The following MIR2052HG variants were observed in gnomAD, a reference collection of about 807,000 sequenced individuals.
MIR2052HG encodes the protein MIR2052 host gene.
chr8:74,697,254 A>G (rs927721643), intron 2 of MIR2052HG, among the ~76,000 whole-genome samples: 23 of 152,188 alleles, frequency 1.5e-4, no homozygotes, highest in Non-Finnish European at 2.8e-4. Flanking sequence ...AGACTCAGAA[A>G]AAGCATTTGA....
At chr8:74,754,405 G>A (rs1298267919) in intron 5 of MIR2052HG, among the ~76,000 whole-genome samples, 1 of 152,190 alleles carries the variant, frequency 6.6e-6, no homozygotes, top group Non-Finnish European at 1.5e-5. Flanking sequence ...GGCACATTTG[G>A]TGGCCAGCTA....
chr8:74,699,181 G>A (rs184181722), intron 2 of MIR2052HG, among the ~76,000 whole-genome samples: 2 of 152,104 alleles, frequency 1.3e-5, no homozygotes, highest in Non-Finnish European at 2.9e-5. Context: ...TAGTATAGCC[G>A]CTATGGAAAA....
chr8:74,754,416 G>T (rs1021705006), intron 5 of MIR2052HG, among the ~76,000 whole-genome samples: 1 of 152,172 alleles, frequency 6.6e-6, no homozygotes, highest in Non-Finnish European at 1.5e-5. Context: ...TGGCCAGCTA[G>T]TGTTTAATTG....
chr8:74,653,100 C>T (rs559624538), intron 2 of MIR2052HG, among the ~76,000 whole-genome samples: 11 of 152,214 alleles, frequency 7.2e-5, no homozygotes, highest in African/African-American at 2.6e-4. Context: ...TTTTCACAAA[C>T]ACAAATGCTG....
chr8:74,719,195 T>A (rs990381582), intron 4 of MIR2052HG, among the ~76,000 whole-genome samples: 2 of 152,176 alleles, frequency 1.3e-5, no homozygotes, highest in Non-Finnish European at 2.9e-5. Context: ...CCATCCTATC[T>A]GCTATGTTCA....
chr8:74,742,974 A>G (rs1476563190), intron 4 of MIR2052HG, among the ~76,000 whole-genome samples: 1 of 152,142 alleles, frequency 6.6e-6, no homozygotes, highest in African/African-American at 2.4e-5. Flanking sequence ...GAGACATGGT[A>G]CAAAAGGCTG....
At chr8:74,604,045 G>A in intron 1 of MIR2052HG, 1 of 964,110 alleles carries the variant, frequency 1.0e-6, no homozygotes, top group Non-Finnish European at 1.7e-6. Context: ...TTTGAAGACG[G>A]CATTAGCAGG....
chr8:74,746,632 T>C (rs1233728590), intron 4 of MIR2052HG, among the ~76,000 whole-genome samples: 1 of 137,504 alleles, frequency 7.3e-6, no homozygotes, highest in Non-Finnish European at 1.6e-5. Flanking sequence ...GAGAGAATAT[T>C]TACATTTGGC....
Position 74,728,501 on chromosome 8 carries a change from A to G in MIR2052HG, n.372-23940A>G, listed in dbSNP as rs115427954. On this transcript the variant is annotated intron_variant and non_coding_transcript_variant, in intron 4 of 6. Coordinates refer to ENST00000523442, the Ensembl canonical transcript of MIR2052HG. Reference sequence around the variant, plus strand: ...TTCTGTGCTGAACAATTGATATACAATGGTGCACGATCTTCCTTGTCTTCA... The same window carrying G: ...TTCTGTGCTGAACAATTGATATACAGTGGTGCACGATCTTCCTTGTCTTCA... Among the ~76,000 whole-genome samples the G allele has an allele frequency of 9.1e-3, 1,383 of 152,272 alleles. 26 individuals are homozygous for G. The highest frequency in any genetic ancestry group is 0.031 in the African/African-American group (1,277 of 41,556).
intron 1 of MIR2052HG, among the ~76,000 whole-genome samples, chr8:74,602,919 T>G (rs1808043863): frequency 6.9e-6 from 1 of 145,094 alleles, no homozygotes; most frequent in African/African-American, 2.7e-5. Context: ...TTTTAAATTT[T>G]TTTGAAAAAT....
At chr8:74,620,691 C>T (rs1356762175) in intron 2 of MIR2052HG, among the ~76,000 whole-genome samples, 1 of 152,250 alleles carries the variant, frequency 6.6e-6, no homozygotes, top group Non-Finnish European at 1.5e-5. Context: ...CTGCACAGAG[C>T]AGAGTGGCCT....
intron 2 of MIR2052HG, among the ~76,000 whole-genome samples, chr8:74,616,482 A>T (rs1484692084): frequency 2.0e-5 from 3 of 151,250 alleles, no homozygotes; most frequent in African/African-American, 7.3e-5. Context: ...GTTAAATTTT[A>T]TGCTTAATAC....
At chr8:74,673,343 A>G (rs1233837336) in intron 2 of MIR2052HG, among the ~76,000 whole-genome samples, 1 of 151,920 alleles carries the variant, frequency 6.6e-6, no homozygotes, top group Non-Finnish European at 1.5e-5. Flanking sequence ...GAGGGCCACA[A>G]TTGTCCTTTT....
rs148092043 is a variant in MIR2052HG at position 74,622,773 on chromosome 8, C to T, written n.216+9833C>T. On this transcript the variant is annotated intron_variant and non_coding_transcript_variant, in intron 2 of 6. Coordinates refer to ENST00000523442, the Ensembl canonical transcript of MIR2052HG. ...GAGCATGCGGGGAAAAAACGAGGCA[C>T]ACTGTTGGTGGAAATGTAAGTTAGT... Among the ~76,000 whole-genome samples the T allele has an allele frequency of 2.0e-5, 3 of 152,008 alleles. No individual in the cohort carries two copies. In the East Asian group the frequency reaches 5.8e-4, roughly 29 times the overall value.
chr8:74,726,677 T>G (rs1372628203), intron 4 of MIR2052HG, among the ~76,000 whole-genome samples: 4 of 152,240 alleles, frequency 2.6e-5, no homozygotes, highest in African/African-American at 9.6e-5. Context: ...CTGTGGAGCA[T>G]GTCTTGTCTT....
intron 4 of MIR2052HG, among the ~76,000 whole-genome samples, chr8:74,725,799 T>C (rs762547446): frequency 6.6e-6 from 1 of 152,198 alleles, no homozygotes; most frequent in Admixed American, 6.5e-5. Flanking sequence ...CCTGCCTTTG[T>C]AGTCTAATTT....
chr8:74,666,492 G>T (rs1351182467), intron 2 of MIR2052HG, among the ~76,000 whole-genome samples: 3 of 152,024 alleles, frequency 2.0e-5, no homozygotes, highest in Non-Finnish European at 4.4e-5. Context: ...GTGTCTTCTT[G>T]CTAGGACATA....
chr8:74,722,423 G>T (rs1366080910), intron 4 of MIR2052HG, among the ~76,000 whole-genome samples: 1 of 152,154 alleles, frequency 6.6e-6, no homozygotes, highest in Non-Finnish European at 1.5e-5. Context: ...CAGCTTACCT[G>T]AAAGATATTT....
chr8:74,729,769 G>GCT (rs1809671725), intron 4 of MIR2052HG, among the ~76,000 whole-genome samples: 1 of 151,894 alleles, frequency 6.6e-6, no homozygotes, highest in Non-Finnish European at 1.5e-5. Context: ...AAACAGAAGG[G>GCT]GTAGGAAAAC....
Sources: allele counts gnomAD v4.1 joint callset (sites outside exome capture counted in the v4.1 genomes callset), GRCh38; gene constraint gnomAD v4.1.1; transcripts MANE v1.5; gene names NCBI Gene and HGNC (gene_info 2026-07-23, HGNC 2026-07-21).